Variants in HELB observed in about 807,000 individuals in gnomAD.
HELB encodes the protein DNA helicase B.
A neutral mutation model predicts 101.7 loss-of-function variants in HELB; 96 were observed. That is an observed-to-expected ratio of 0.94 (90% CI 0.80 to 1.12). The LOEUF (loss-of-function observed/expected upper bound fraction) is 1.12, where lower values mean the gene tolerates loss of function less well. HELB is among the 50% of genes most tolerant of loss of function. The pLI is 0.00. For missense variants in HELB, 1,210 were observed against 1,291.9 expected (o/e 0.94, Z 0.97); for synonymous variants, 437 against 459.7 (o/e 0.95, Z 0.63).
At chr12:66,307,893 G>A (rs1182339910) in intron 3 of HELB, among the ~76,000 whole-genome samples, 1 of 151,636 alleles carries the variant, frequency 6.6e-6, no homozygotes, top group Non-Finnish European at 1.5e-5. Context: ...ACCACACCCA[G>A]ATAATTTTTG....
rs538034797 is a variant in HELB at position 66,333,560 on chromosome 12, C to A, written c.3162+1915C>A. Among the ~76,000 whole-genome samples the A allele has an allele frequency of 3.3e-5, 5 of 152,128 alleles. No homozygotes were observed. The South Asian group carries it at 1.0e-3, about 32-fold the overall frequency. ...AATTAGCCAGGCATGGTGGCAGTCA[C>A]CTGTAATCCCCGCTACTCGAGAGGC... On this transcript the variant is annotated intron_variant, in intron 12 of 12. Transcript: ENST00000247815.
At chr12:66,338,259 A>G, downstream of HELB, 1 of 615,684 alleles carries the variant, frequency 1.6e-6, no homozygotes, top group South Asian at 1.9e-5. Context: ...CAAAGTATTA[A>G]TGATTTCAAC....
In HELB at chr12:66,315,247, A is replaced by G; in HGVS notation, c.1864A>G (p.Ile622Val). Reference sequence around the variant, plus strand: ...TGTATCTTTTTTTCTTTTAGGTGACATTAGACAGTTACCCAGTATTGAACC... The same window carrying G: ...TGTATCTTTTTTTCTTTTAGGTGACGTTAGACAGTTACCCAGTATTGAACC... ...KLSKLIILGD[I>V]RQLPSIEPGN... Residue 622 changes from isoleucine to valine, a missense_variant, in exon 6 of 13, where the codon ATT becomes GTT. This residue lies in a region of HELB where 740 missense variants were observed against 728.8 expected (regional missense o/e 1.02). Transcript: ENST00000247815. 6.3e-7 allele frequency: 1 copy of G among 1,590,538 alleles called. No individual in the cohort carries two copies. The highest frequency in any genetic ancestry group is 8.6e-7 in the Non-Finnish European group (1 of 1,169,402).
rs141753496 is a variant in HELB at position 66,335,151 on chromosome 12, T to C, written c.3163-2850T>C. ...GGCGTGCTGTTGTTTAAGTTACTAA[T>C]TGGAAATGTACCTGGACTTGTTGAG... On this transcript the variant is annotated intron_variant, in intron 12 of 12. Transcript: ENST00000247815. 2.0e-4 allele frequency among the ~76,000 whole-genome samples: 30 copies of C among 152,274 alleles called. No homozygotes were observed. The East Asian group carries it at 3.9e-3, about 20-fold the overall frequency.
At chr12:66,334,240 C>A (rs1235137712) in intron 12 of HELB, among the ~76,000 whole-genome samples, 5 of 151,938 alleles carry the variant, frequency 3.3e-5, no homozygotes, top group African/African-American at 1.2e-4. Context: ...GCAGGAGGAT[C>A]GCTTGAGCCC....
In HELB at chr12:66,304,929, T is replaced by C; in HGVS notation, c.386T>C (p.Leu129Pro). The C allele has an allele frequency of 6.2e-7, 1 of 1,614,136 alleles. No homozygotes were observed. Among genetic ancestry groups the C allele is most frequent in the Non-Finnish European group, 8.5e-7 (1 of 1,179,980 alleles). The change falls in exon 2 of 13, where the codon CTC becomes CCC. Residue 129 changes from leucine to proline, a missense_variant. Leu to Pro is a moderately conservative substitution (Grantham distance 98). Transcript: ENST00000247815. ...CCAAATCAAAAACATATCTGTGCTC[T>C]CTTTCTTAAAGAGTGTGAGGTCTCC... Reference protein sequence around the residue: ...SPPNQKHICALFLKECEVSSD... With the variant: ...SPPNQKHICAPFLKECEVSSD...
intron 5 of HELB, among the ~76,000 whole-genome samples, chr12:66,314,484 A>C (rs959563688): frequency 6.6e-6 from 1 of 152,176 alleles, no homozygotes; most frequent in Admixed American, 6.5e-5. Context: ...GGAAATGATA[A>C]AAAGTTTGAA....
Position 66,321,933 on chromosome 12 carries a change from C to A in HELB, c.2156-15C>A. ...GGTGATTTGCTGTGTTAACTTTTTT[C>A]TCTTGAATTATTAGGTTTATATTCT... On this transcript the variant is annotated splice_polypyrimidine_tract_variant and intron_variant, in intron 7 of 12. Coordinates refer to ENST00000247815, the MANE Select transcript of HELB (RefSeq NM_001370285.1). The A allele has an allele frequency of 1.0e-6, 1 of 957,070 alleles. No homozygotes were observed. The highest frequency in any genetic ancestry group is 1.6e-6 in the Non-Finnish European group (1 of 616,162). The allele number at this position is 957,070 out of a possible 1,614,324, so 59.3% of individuals were successfully genotyped here.
rs2053415992 is a variant in HELB at position 66,302,594 on chromosome 12, CAGG to C, written c.-7_-5del. ...TTTCCCGAGTTGTTTGGGTTGAGTT[CAGG>C]AGAAGCATGGCCAGGTCGAGTCCGT... On this transcript the variant is annotated 5_prime_UTR_variant, in exon 1 of 13. Transcript: ENST00000247815. 6.2e-7 allele frequency: 1 copy of C among 1,610,646 alleles called. No homozygotes were observed. Among genetic ancestry groups the C allele is most frequent in the Admixed American group, 1.7e-5 (1 of 59,968 alleles).
chr12:66,302,888 A>G (rs189801400), intron 1 of HELB, 98 bp downstream of exon 1: 1,625 of 1,060,208 alleles, frequency 1.5e-3, no homozygotes, highest in Non-Finnish European at 1.9e-3. Context: ...TCGTGCTAAC[A>G]GATTTAGCTT....
chr12:66,306,444 G>A lies in HELB; in HGVS notation c.707G>A (p.Gly236Asp). 1 of 1,609,140 alleles carries A rather than the reference G, an allele frequency of 6.2e-7. No individual in the cohort carries two copies. Among genetic ancestry groups the A allele is most frequent in the Non-Finnish European group, 8.5e-7 (1 of 1,177,832 alleles). The change falls in exon 3 of 13, where the codon GGT (glycine) becomes GAT (aspartate). Residue 236 changes from glycine (G) to aspartate (D), a missense_variant. Gly to Asp is a moderately conservative substitution (Grantham distance 94). Transcript: ENST00000247815. ...PRHFKWIIGS[G>D]SKEMLKEIEE... Reference sequence around the variant, plus strand: ...CACTTTAAATGGATCATAGGGTCAGGTTCTAAAGAGATGTTGAAAGAGATA... The same window carrying A: ...CACTTTAAATGGATCATAGGGTCAGATTCTAAAGAGATGTTGAAAGAGATA...
intron 11 of HELB, among the ~76,000 whole-genome samples, chr12:66,329,268 T>C (rs908376992): frequency 2.6e-5 from 4 of 152,200 alleles, no homozygotes; most frequent in Non-Finnish European, 5.9e-5. Flanking sequence ...TCCTGTAGCA[T>C]GACATTTTAA....
chr12:66,326,440 A>G (rs2053738492), intron 11 of HELB, among the ~76,000 whole-genome samples: 1 of 151,534 alleles, frequency 6.6e-6, no homozygotes, highest in Admixed American at 6.6e-5. Context: ...ACGGGGTTTC[A>G]CCATGTTGGT....
intron 7 of HELB, among the ~76,000 whole-genome samples, chr12:66,320,376 A>T (rs994096831): frequency 6.6e-6 from 1 of 152,200 alleles, no homozygotes; most frequent in South Asian, 2.1e-4. Context: ...TTTCAGTTTT[A>T]CATAAATTGG....
At chr12:66,325,208 C>G in intron 11 of HELB, 82 bp downstream of exon 11, 1 of 914,716 alleles carries the variant, frequency 1.1e-6, no homozygotes, top group South Asian at 1.7e-5. Flanking sequence ...ATTTTTGTTG[C>G]ACTTATTAGC....
chr12:66,337,431 T>C (rs1458407884), intron 12 of HELB, among the ~76,000 whole-genome samples: 1 of 152,184 alleles, frequency 6.6e-6, no homozygotes, highest in East Asian at 1.9e-4. Context: ...TTTCCTAAAA[T>C]TGAATTGTGC....
intron 1 of HELB, among the ~76,000 whole-genome samples, chr12:66,304,438 A>G (rs2053447519): frequency 6.6e-6 from 1 of 152,214 alleles, no homozygotes; most frequent in South Asian, 2.1e-4. Flanking sequence ...CAAGAGTAGC[A>G]GAGAGGGGAC....
chr12:66,322,353 A>C (rs760395379), intron 8 of HELB, among the ~76,000 whole-genome samples: 9 of 152,004 alleles, frequency 5.9e-5, no homozygotes, highest in Non-Finnish European at 1.0e-4. Flanking sequence ...ACTTGAGGTC[A>C]GGAGTTTGAG....
downstream of HELB, chr12:66,341,352 G>A (rs2053916995): frequency 6.6e-6 from 1 of 152,122 alleles, no homozygotes; most frequent in African/African-American, 2.4e-5. Context: ...TAGCCTCACT[G>A]GCAGCCAACT....
Sources: allele counts gnomAD v4.1 joint callset (sites outside exome capture counted in the v4.1 genomes callset), GRCh38; gene constraint gnomAD v4.1.1; regional missense constraint gnomAD v4.1.1; transcripts MANE v1.5; gene names NCBI Gene and HGNC (gene_info 2026-07-23, HGNC 2026-07-21).